GALNT9: variants seen among roughly 807,000 people sequenced by gnomAD.
The protein encoded by GALNT9 is polypeptide N-acetylgalactosaminyltransferase 9.
Under a neutral mutation model 63.1 loss-of-function variants are expected in GALNT9, and 47 were observed. The observed-to-expected ratio is 0.75, with a 90% confidence interval of 0.59 to 0.95. The LOEUF (loss-of-function observed/expected upper bound fraction) is 0.95. Ranked by LOEUF, GALNT9 falls within the 40% of genes least tolerant of loss-of-function variation. The pLI is 0.00. For synonymous variants in GALNT9, 396 were observed against 365.7 expected, an observed-to-expected ratio of 1.08 and a Z score of -0.94; for missense variants, 829 against 874.8, an observed-to-expected ratio of 0.95 and a Z score of 0.66.
rs991744129 is a variant in GALNT9 at position 132,246,120 on chromosome 12, G to A, written c.1077+1790C>T. ...GAGACGGTGAGAGAAGCCGACACCC[G>A]CGTGGGTGCGTTCAATCCACGGCCG... On this transcript the variant is annotated intron_variant, in intron 6 of 10. Transcript: ENST00000328957. This position sits in a 1 kb window ranked among gnomAD's most constrained non-coding sequence, Gnocchi z 4.7. Among the ~76,000 whole-genome samples the A allele has an allele frequency of 6.6e-6, 1 of 152,240 alleles. No individual in the cohort carries two copies. The highest frequency in any genetic ancestry group is 1.5e-5 in the Non-Finnish European group (1 of 68,038).
chr12:132,263,505 AG>A (rs1459833846), intron 2 of GALNT9, among the ~76,000 whole-genome samples: 2 of 144,430 alleles, frequency 1.4e-5, no homozygotes, highest in African/African-American at 5.3e-5. Flanking sequence ...CCCAGAGCCC[AG>A]GGGGAGGGGG....
chr12:132,222,533 G>A (rs1417671895), intron 6 of GALNT9, among the ~76,000 whole-genome samples: 1 of 152,064 alleles, frequency 6.6e-6, no homozygotes, highest in African/African-American at 2.4e-5. Context: ...CTGCCCCCAG[G>A]GCTAAGAGCT....
chr12:132,237,692 C>T (rs1878056204), intron 6 of GALNT9, among the ~76,000 whole-genome samples: 1 of 152,244 alleles, frequency 6.6e-6, no homozygotes, highest in Non-Finnish European at 1.5e-5. Flanking sequence ...GGATGGGGTC[C>T]CCTCCCTTCT....
intron 5 of GALNT9, among the ~76,000 whole-genome samples, chr12:132,248,832 A>G (rs1220832415): frequency 1.3e-5 from 2 of 152,174 alleles, no homozygotes; most frequent in African/African-American, 4.8e-5. Flanking sequence ...ATTTTTTCTA[A>G]TATGTATTGA....
intron 6 of GALNT9, among the ~76,000 whole-genome samples, chr12:132,215,658 A>G (rs1043434430): frequency 6.6e-6 from 1 of 152,166 alleles, no homozygotes; most frequent in Non-Finnish European, 1.5e-5. Flanking sequence ...TATCATCAGG[A>G]CACACATGCC....
chr12:132,272,066 C>T (rs114714357), intron 2 of GALNT9, among the ~76,000 whole-genome samples: 2,152 of 152,192 alleles, frequency 0.014, 54 homozygotes, highest in African/African-American at 0.048. Context: ...AGGAGAATGC[C>T]GTCACGCCCC....
chr12:132,237,090 G>C (rs1186685507), intron 6 of GALNT9, among the ~76,000 whole-genome samples: 1 of 151,994 alleles, frequency 6.6e-6, no homozygotes, highest in Non-Finnish European at 1.5e-5. Flanking sequence ...CCTGACCCCA[G>C]TGTGGAGCGG....
intron 1 of GALNT9, among the ~76,000 whole-genome samples, chr12:132,322,665 G>A (rs782767554): frequency 6.6e-6 from 1 of 152,176 alleles, no homozygotes; most frequent in Non-Finnish European, 1.5e-5. Flanking sequence ...AGGCATGGGA[G>A]GGGGGTTTGC....
At chr12:132,263,101 T>C (rs1033037719) in intron 2 of GALNT9, among the ~76,000 whole-genome samples, 3 of 151,788 alleles carry the variant, frequency 2.0e-5, no homozygotes, top group Non-Finnish European at 2.9e-5. Flanking sequence ...AGGAGCACGT[T>C]GGGGACGGCG....
At chr12:132,218,244 A>G (rs1230584178) in intron 6 of GALNT9, among the ~76,000 whole-genome samples, 1 of 152,208 alleles carries the variant, frequency 6.6e-6, no homozygotes, top group Non-Finnish European at 1.5e-5. Flanking sequence ...ACAACCTTAG[A>G]GGCCAAGCAA....
chr12:132,222,609 C>T (rs1261712762), intron 6 of GALNT9, among the ~76,000 whole-genome samples: 3 of 151,912 alleles, frequency 2.0e-5, no homozygotes, highest in African/African-American at 7.3e-5. Context: ...AAGATGCAGC[C>T]GACGATGCGT....
Position 132,296,452 on chromosome 12 carries a change from T to A in GALNT9, c.239-10022A>T, listed in dbSNP as rs1459764695. ...GGCTGCGTGATATCAATCCCAAGTT[T>A]TCCTCTTTGAAATCCCAGCTTCCTC... On this transcript the variant is annotated intron_variant, in intron 1 of 10. Transcript: ENST00000328957. The surrounding 1 kb of genome is among the most constrained non-coding windows in gnomAD (Gnocchi z 4.2). Among the ~76,000 whole-genome samples the A allele has an allele frequency of 2.0e-5, 3 of 152,236 alleles. No homozygotes were observed. Among genetic ancestry groups the A allele is most frequent in the Non-Finnish European group, 4.4e-5 (3 of 68,038 alleles).
chr12:132,261,475 TG>T (rs1555239783), intron 3 of GALNT9, among the ~76,000 whole-genome samples: 1 of 152,150 alleles, frequency 6.6e-6, no homozygotes, highest in Non-Finnish European at 1.5e-5. Context: ...CCTTCCATGC[TG>T]GGGGCAGGGT....
chr12:132,257,975 T>C, intron 4 of GALNT9, 89 bp from the exon 5 acceptor site: 1 of 886,952 alleles, frequency 1.1e-6, no homozygotes, highest in Non-Finnish European at 1.7e-6. Context: ...GGGAGGCCAG[T>C]CCCCACCTGG....
intron 6 of GALNT9, among the ~76,000 whole-genome samples, chr12:132,209,681 C>T (rs1042917209): frequency 6.6e-6 from 1 of 152,102 alleles, no homozygotes; most frequent in Non-Finnish European, 1.5e-5. Flanking sequence ...AAAGACACTC[C>T]CCCCAGCACC....
At chr12:132,214,031 G>A (rs10902514) in intron 6 of GALNT9, among the ~76,000 whole-genome samples, 7,622 of 152,272 alleles carry the variant, frequency 0.05, 220 homozygotes, top group South Asian at 0.13. Flanking sequence ...CAGGTCAGGC[G>A]TGGGGATGGG....
At chr12:132,206,626 G>A (rs923941415) in intron 6 of GALNT9, among the ~76,000 whole-genome samples, 6 of 144,362 alleles carry the variant, frequency 4.2e-5, no homozygotes, top group Admixed American at 3.6e-4. Context: ...CAGCCTGGGC[G>A]ACAGAGCGAG....
chr12:132,316,568 C>T lies in GALNT9; in HGVS notation c.238+12398G>A, dbSNP rs1000222950. Among the ~76,000 whole-genome samples the T allele has an allele frequency of 2.0e-5, 3 of 152,034 alleles. No homozygotes were observed. Among genetic ancestry groups the T allele is most frequent in the African/African-American group, 4.8e-5 (2 of 41,352 alleles). ...GCTCAGGGAATGGCCGTCTGAGGTG[C>T]GAGGTGCTGCCAGGACCTCCCGGGT... On this transcript the variant is annotated intron_variant, in intron 1 of 10. Coordinates refer to ENST00000328957, the MANE Select transcript of GALNT9 (RefSeq NM_001122636.2). This position sits in a 1 kb window ranked among gnomAD's most constrained non-coding sequence, Gnocchi z 4.3.
intron 2 of GALNT9, among the ~76,000 whole-genome samples, chr12:132,264,505 C>T: frequency 6.6e-6 from 1 of 152,252 alleles, no homozygotes. Flanking sequence ...CCTCTCTTGG[C>T]TCCAGCCTTC....
Sources: allele counts gnomAD v4.1 joint callset (sites outside exome capture counted in the v4.1 genomes callset), GRCh38; gene constraint gnomAD v4.1.1; non-coding constraint Gnocchi (gnomAD v3.1); transcripts MANE v1.5; gene names NCBI Gene and HGNC (gene_info 2026-07-23, HGNC 2026-07-21).